The following PALD1 variants were observed in gnomAD, a reference collection of about 807,000 sequenced individuals.
PALD1 encodes the protein phosphatase domain containing paladin 1, also known as paladin.
PALD1 carries 57 observed loss-of-function variants against 96.0 expected under a neutral mutation model. The observed-to-expected ratio is 0.59, with a 90% CI of 0.48 to 0.74. PALD1 has a LOEUF of 0.74. Among genes scored for constraint, PALD1 ranks in the 30% least tolerant of loss-of-function variants. The pLI is 0.00. For synonymous variants in PALD1, 464 were observed against 473.6 expected (o/e 0.98, Z 0.26); for missense variants, 1,063 against 1,143.7 (o/e 0.93, Z 1.02).
intron 18 of PALD1, among the ~76,000 whole-genome samples, chr10:70,559,929 G>A (rs369310138): frequency 1.3e-4 from 20 of 151,862 alleles, no homozygotes; most frequent in Middle Eastern, 3.4e-3. Context: ...GAGGGCCTGG[G>A]GAGGAGTGCT....
intron 1 of PALD1, among the ~76,000 whole-genome samples, chr10:70,489,119 A>C (rs911787635): frequency 2.0e-5 from 3 of 152,068 alleles, no homozygotes; most frequent in Non-Finnish European, 4.4e-5. Context: ...CCCCTTGCCA[A>C]AGTCTCTTTA....
chr10:70,506,501 A>G (rs1846394484), intron 1 of PALD1, among the ~76,000 whole-genome samples: 1 of 152,186 alleles, frequency 6.6e-6, no homozygotes, highest in Admixed American at 6.5e-5. Flanking sequence ...AGTGCCTGGC[A>G]CGCTCTTGGA....
At chr10:70,463,652 G>C in the PALD1 span, among the ~76,000 whole-genome samples, 4 of 152,010 alleles carry the variant, frequency 2.6e-5, no homozygotes, top group African/African-American at 4.8e-5. Flanking sequence ...GAGGGAGACA[G>C]ACAATAAACA....
chr10:70,539,164 C>G lies in PALD1; in HGVS notation c.1642C>G (p.Arg548Gly). 1 of 1,613,312 alleles carries G rather than the reference C, an allele frequency of 6.2e-7. No individual in the cohort carries two copies. Among genetic ancestry groups the G allele is most frequent in the East Asian group, 2.2e-5 (1 of 44,848 alleles). ...RLRKVVWVSL[R>G]EEAVLECDGH... ...GCGGAAGGTTGTCTGGGTGAGCCTT[C>G]GGGAGGAGGCCGTGTTGGAGTGTGA... is the stretch of plus-strand genomic sequence containing the variant. Residue 548 changes from arginine (R) to glycine (G), a missense_variant, in exon 14 of 20, where the codon CGG becomes GGG. Coordinates refer to ENST00000263563, the MANE Select transcript of PALD1 (RefSeq NM_014431.3). This position sits in a 1 kb window ranked among gnomAD's most constrained non-coding sequence, Gnocchi z 4.5.
At chr10:70,509,458 G>T (rs544480238) in intron 1 of PALD1, among the ~76,000 whole-genome samples, 3 of 152,320 alleles carry the variant, frequency 2.0e-5, no homozygotes, top group Admixed American at 6.5e-5. Flanking sequence ...CAACTATTGT[G>T]GGCTGAATCC....
At position 70,532,796 on chromosome 10, in the gene PALD1, C is replaced by T; in HGVS notation, c.794+15C>T. The T allele has an allele frequency of 6.2e-7, 1 of 1,612,304 alleles. No homozygotes were observed. The highest frequency in any genetic ancestry group is 1.1e-5 in the South Asian group (1 of 90,920). On this transcript the variant is annotated intron_variant, in intron 6 of 19. Coordinates refer to ENST00000263563, the MANE Select transcript of PALD1 (RefSeq NM_014431.3). ...CCCACCTACAGGTACCACAGGGCCA[C>T]CCCCAGCCCTGGCCATGGGTGCTCC...
chr10:70,509,849 C>G (rs1846477302), intron 1 of PALD1, among the ~76,000 whole-genome samples: 1 of 152,326 alleles, frequency 6.6e-6, no homozygotes, highest in Admixed American at 6.5e-5. Context: ...AGTACACCAG[C>G]TCTGCTCCTG....
At chr10:70,509,289 G>A (rs1210778723) in intron 1 of PALD1, among the ~76,000 whole-genome samples, 1 of 152,212 alleles carries the variant, frequency 6.6e-6, no homozygotes, top group Non-Finnish European at 1.5e-5. Context: ...AGCCAGCTGC[G>A]GAAACGGAGG....
chr10:70,566,702 T>TCGAGCC lies in PALD1; in HGVS notation c.2542_2547dup (p.Glu848_Pro849dup). On this transcript the variant is annotated inframe_insertion, in exon 20 of 20. Transcript: ENST00000263563. ...CGGTGGCAGGAGCAGAGCTGCAGCC[T>TCGAGCC]CGAGCCCTCTGCCCCCGAGGACTTG... The TCGAGCC allele has an allele frequency of 6.2e-7, 1 of 1,604,552 alleles. No individual in the cohort carries two copies. The highest frequency in any genetic ancestry group is 2.2e-5 in the East Asian group (1 of 44,696).
At chr10:70,487,184 A>T (rs1216845886) in intron 1 of PALD1, among the ~76,000 whole-genome samples, 2 of 126,890 alleles carry the variant, frequency 1.6e-5, no homozygotes, top group Admixed American at 2.0e-4. Context: ...CCCAGGCTGG[A>T]GTGCAGTGGC....
chr10:70,480,992 G>T lies in PALD1; in HGVS notation c.-30+1933G>T, dbSNP rs1446762138. On this transcript the variant is annotated intron_variant, in intron 1 of 19. Coordinates refer to ENST00000263563, the MANE Select transcript of PALD1 (RefSeq NM_014431.3). ...CAGACATACATGAACCCATCAGCGTGGGCCACGTATGGGCTGCAGACACGT... is the reference window on the plus strand; with the variant it reads ...CAGACATACATGAACCCATCAGCGTTGGCCACGTATGGGCTGCAGACACGT... Among the ~76,000 whole-genome samples the T allele has an allele frequency of 2.0e-5, 3 of 152,210 alleles. No individual in the cohort carries two copies. In the East Asian group the frequency reaches 5.8e-4, roughly 29 times the overall value.
chr10:70,506,191 A>G (rs1846386466), intron 1 of PALD1, among the ~76,000 whole-genome samples: 1 of 152,212 alleles, frequency 6.6e-6, no homozygotes, highest in African/African-American at 2.4e-5. Context: ...TTACTGCCTC[A>G]TCATGGACCC....
In PALD1 at chr10:70,532,722, C is replaced by T. The variant is rs148437569; in HGVS notation, c.735C>T (p.Asp245=). The T allele has an allele frequency of 1.7e-5, 28 of 1,614,198 alleles. No individual in the cohort carries two copies. The highest frequency in any genetic ancestry group is 4.5e-5 in the East Asian group (2 of 44,880). Reference sequence around the variant, plus strand: ...ATGCTGTGGCCATCCATGGTGAGGACGACTTGCATGTGACGGAGGAGGTGT... The same window carrying T: ...ATGCTGTGGCCATCCATGGTGAGGATGACTTGCATGTGACGGAGGAGGTGT... ...EPHAVAIHGE[D]DLHVTEEVYK... Residue 245 remains aspartate (D), a synonymous_variant, in exon 6 of 20, where the codon GAC becomes GAT. Coordinates refer to ENST00000263563, the MANE Select transcript of PALD1 (RefSeq NM_014431.3).
intron 1 of PALD1, among the ~76,000 whole-genome samples, chr10:70,488,147 G>A (rs145014427): frequency 8.7e-4 from 132 of 151,294 alleles, no homozygotes; most frequent in African/African-American, 3.0e-3. Context: ...TTTAAGAAGG[G>A]CCTCTTTCCT....
rs114001653 is a variant in PALD1 at position 70,487,037 on chromosome 10, G to T, written c.-30+7978G>T. Among the ~76,000 whole-genome samples the T allele has an allele frequency of 6.1e-4, 93 of 152,186 alleles. 1 individual carries two copies. The highest frequency in any genetic ancestry group is 2.1e-3 in the African/African-American group (89 of 41,534). On this transcript the variant is annotated intron_variant, in intron 1 of 19. Transcript: ENST00000263563. ...TTTGGGGAGCCCTCTGGGGAGGTGT[G>T]GAGTAGTCTCTGCTCCAGGGGGCTC...
At chr10:70,560,599 G>A (rs1198806028) in intron 18 of PALD1, among the ~76,000 whole-genome samples, 4 of 151,770 alleles carry the variant, frequency 2.6e-5, no homozygotes, top group African/African-American at 9.7e-5. Flanking sequence ...CCTGACGCAC[G>A]TGTTCTGCTT....
upstream of PALD1, among the ~76,000 whole-genome samples, chr10:70,473,900 C>T (rs199705525): frequency 1.6e-4 from 20 of 123,788 alleles, no homozygotes; most frequent in Middle Eastern, 4.2e-3. Context: ...CACCCCCCCC[C>T]CCTCAGCCTC....
the PALD1 span, among the ~76,000 whole-genome samples, chr10:70,461,010 G>A: frequency 5.3e-5 from 8 of 152,254 alleles, no homozygotes; most frequent in Admixed American, 3.3e-4. Flanking sequence ...AGCTGAGATC[G>A]TGTCATTGCA....
chr10:70,462,020 T>C, the PALD1 span, among the ~76,000 whole-genome samples: 1 of 152,182 alleles, frequency 6.6e-6, no homozygotes, highest in South Asian at 2.1e-4. Context: ...CTCAAACTCC[T>C]GACCTTGAGC....
Sources: allele counts gnomAD v4.1 joint callset (sites outside exome capture counted in the v4.1 genomes callset), GRCh38; gene constraint gnomAD v4.1.1; non-coding constraint Gnocchi (gnomAD v3.1); transcripts MANE v1.5; gene names NCBI Gene and HGNC (gene_info 2026-07-23, HGNC 2026-07-21).